The following FHIP1A variants were observed in gnomAD, a reference collection of about 807,000 sequenced individuals.
FHIP1A encodes FHF complex subunit HOOK-interacting protein 1A.
A neutral mutation model predicts 88.6 loss-of-function variants in FHIP1A; 61 were observed. That is an observed-to-expected ratio of 0.69 (90% CI 0.56 to 0.85). The LOEUF is 0.85. Among genes scored for constraint, FHIP1A ranks in the 40% least tolerant of loss-of-function variants. FHIP1A has a pLI of 0.00. For synonymous variants in FHIP1A, 478 were observed against 496.0 expected (o/e 0.96, Z 0.48); for missense variants, 1,154 against 1,273.5 (o/e 0.91, Z 1.43).
chr4:151,639,943 T>C lies in FHIP1A; in HGVS notation c.1226+1187T>C, dbSNP rs143098222. Among the ~76,000 whole-genome samples the C allele has an allele frequency of 7.8e-3, 1,181 of 152,268 alleles. 13 individuals are homozygous for C. The highest frequency in any genetic ancestry group is 0.027 in the African/African-American group (1,123 of 41,542). ...AGACCTGGTCTTCCCCTAGTCCACA[T>C]TGGGGTTTTGACATGATTTGAGTAG... On this transcript the variant is annotated intron_variant, in intron 9 of 13. Coordinates refer to ENST00000435205, the MANE Select transcript of FHIP1A (RefSeq NM_001109977.3).
At chr4:151,428,518 A>G (rs1329453505) in intron 1 of FHIP1A, among the ~76,000 whole-genome samples, 3 of 151,648 alleles carry the variant, frequency 2.0e-5, no homozygotes, top group African/African-American at 4.9e-5. Flanking sequence ...TCCCCAGGCC[A>G]CTCTCTTCTA....
At chr4:151,435,045 A>G (rs1488768434) in intron 1 of FHIP1A, among the ~76,000 whole-genome samples, 1 of 152,230 alleles carries the variant, frequency 6.6e-6, no homozygotes, top group Non-Finnish European at 1.5e-5. Flanking sequence ...CATACAATAT[A>G]TAATGATTAA....
At chr4:151,607,612 A>G (rs1294782127) in intron 7 of FHIP1A, among the ~76,000 whole-genome samples, 1 of 152,210 alleles carries the variant, frequency 6.6e-6, no homozygotes, top group East Asian at 1.9e-4. Context: ...AGTTCAAGAA[A>G]TGGGTTTTGA....
At chr4:151,603,877 A>G (rs1044524767) in intron 7 of FHIP1A, among the ~76,000 whole-genome samples, 1 of 152,078 alleles carries the variant, frequency 6.6e-6, no homozygotes, top group East Asian at 1.9e-4. Context: ...ATCTCCACAT[A>G]TCTTGACCAG....
intron 3 of FHIP1A, among the ~76,000 whole-genome samples, chr4:151,522,091 A>G (rs1163672460): frequency 6.6e-6 from 1 of 152,162 alleles, no homozygotes; most frequent in East Asian, 1.9e-4. Flanking sequence ...TCACTCTATG[A>G]TCTATTATAA....
At chr4:151,650,621 C>T (rs1478350382) in intron 11 of FHIP1A, 29 bp downstream of exon 11, 1 of 1,522,886 alleles carries the variant, frequency 6.6e-7, no homozygotes, top group East Asian at 2.5e-5. Flanking sequence ...TTTGTGGTTT[C>T]TGCTTTCGAA....
chr4:151,577,861 C>T lies in FHIP1A; in HGVS notation c.517C>T (p.Leu173Phe). The change falls in exon 5 of 14, where the codon CTT becomes TTT. Residue 173 changes from leucine to phenylalanine, a missense_variant. By Grantham distance (22) the Leu-to-Phe change is conservative (BLOSUM62 0). Transcript: ENST00000435205. Reference sequence around the variant, plus strand: ...CCTACTCAATCAGCTCTGTTCCATTCTTGCCAAAGATCCATCCATTTTAGA... The same window carrying T: ...CCTACTCAATCAGCTCTGTTCCATTTTTGCCAAAGATCCATCCATTTTAGA... ...VVLLNQLCSI[L>F]AKDPSILELF... 1 of 1,551,976 alleles carries T rather than the reference C, an allele frequency of 6.4e-7. No individual in the cohort carries two copies.
intron 7 of FHIP1A, among the ~76,000 whole-genome samples, chr4:151,599,269 G>A (rs1488403729): frequency 6.6e-6 from 1 of 152,138 alleles, no homozygotes; most frequent in East Asian, 1.9e-4. Context: ...AAATGGGACG[G>A]CCCTTATTCA....
Position 151,647,632 on chromosome 4 carries a change from T to A in FHIP1A, c.1417+884T>A, listed in dbSNP as rs1386223465. 2.0e-5 allele frequency among the ~76,000 whole-genome samples: 3 copies of A among 152,356 alleles called. No homozygotes were observed. The East Asian group carries it at 5.8e-4, about 29-fold the overall frequency. ...TTAAGGTTGTCTTACGGATTCTTGG[T>A]CTTTATATAAAGATGCATGGAAATC... On this transcript the variant is annotated intron_variant, in intron 10 of 13. Transcript: ENST00000435205.
At chr4:151,573,952 G>A (rs752687398) in intron 4 of FHIP1A, among the ~76,000 whole-genome samples, 1 of 152,208 alleles carries the variant, frequency 6.6e-6, no homozygotes, top group African/African-American at 2.4e-5. Flanking sequence ...AAGTTCTTTG[G>A]CATTTCAGTG....
chr4:151,654,887 G>A (rs1183161530), intron 11 of FHIP1A, among the ~76,000 whole-genome samples: 1 of 152,156 alleles, frequency 6.6e-6, no homozygotes, highest in Non-Finnish European at 1.5e-5. Context: ...GAGGCTAAAT[G>A]CCACACATGA....
At chr4:151,516,241 T>C (rs1040592306) in intron 3 of FHIP1A, among the ~76,000 whole-genome samples, 1 of 152,058 alleles carries the variant, frequency 6.6e-6, no homozygotes, top group African/African-American at 2.4e-5. Context: ...GAAAACTGGC[T>C]AGCCATATGT....
intron 1 of FHIP1A, among the ~76,000 whole-genome samples, chr4:151,453,304 C>T (rs183849109): frequency 4.5e-4 from 68 of 152,324 alleles, no homozygotes; most frequent in African/African-American, 1.6e-3. Flanking sequence ...GCATGAGCCA[C>T]TGCACCTGGC....
chr4:151,583,993 C>T (rs1418703487), intron 5 of FHIP1A, among the ~76,000 whole-genome samples: 2 of 151,884 alleles, frequency 1.3e-5, no homozygotes, highest in African/African-American at 2.4e-5. Context: ...AACATAGTAC[C>T]TGGCCTGAAA....
At chr4:151,452,608 T>C (rs1728826201) in intron 1 of FHIP1A, among the ~76,000 whole-genome samples, 1 of 152,026 alleles carries the variant, frequency 6.6e-6, no homozygotes, top group African/African-American at 2.4e-5. Context: ...TCTATATATG[T>C]ATATAGATGT....
chr4:151,522,014 C>T (rs780756221), intron 3 of FHIP1A, among the ~76,000 whole-genome samples: 1 of 152,180 alleles, frequency 6.6e-6, no homozygotes, highest in Non-Finnish European at 1.5e-5. Flanking sequence ...GTGTGAGCTA[C>T]CATGCCTGGC....
At chr4:151,509,928 A>G (rs1382411589) in intron 3 of FHIP1A, among the ~76,000 whole-genome samples, 3 of 152,188 alleles carry the variant, frequency 2.0e-5, no homozygotes, top group Non-Finnish European at 2.9e-5. Context: ...GGGAGGCCCA[A>G]TAATTTTCCT....
At chr4:151,591,132 G>C (rs1734409817) in intron 7 of FHIP1A, among the ~76,000 whole-genome samples, 1 of 151,574 alleles carries the variant, frequency 6.6e-6, no homozygotes, top group Non-Finnish European at 1.5e-5. Flanking sequence ...TAGGGTTAGG[G>C]ACGGAGCAGG....
intron 1 of FHIP1A, among the ~76,000 whole-genome samples, chr4:151,414,541 A>G (rs1041588514): frequency 6.6e-6 from 1 of 152,152 alleles, no homozygotes; most frequent in Admixed American, 6.5e-5. Flanking sequence ...GTTTGTCTGC[A>G]ATGTTTAGAA....
Sources: allele counts gnomAD v4.1 joint callset (sites outside exome capture counted in the v4.1 genomes callset), GRCh38; gene constraint gnomAD v4.1.1; transcripts MANE v1.5; gene names NCBI Gene and HGNC (gene_info 2026-07-23, HGNC 2026-07-21).